DCHS2: variants seen among roughly 807,000 people sequenced by gnomAD.
The protein encoded by DCHS2 is dachsous cadherin-related 2.
DCHS2 carries 142 observed loss-of-function variants against 182.4 expected under a neutral mutation model. The ratio of observed to expected loss-of-function variants is 0.78; its 90% CI spans 0.68 to 0.89. The LOEUF (loss-of-function observed/expected upper bound fraction) is 0.89, where lower values mean the gene tolerates loss of function less well. Among genes scored for constraint, DCHS2 ranks in the 40% least tolerant of loss-of-function variants. The probability of loss-of-function intolerance (pLI) is 0.00; values close to 1 mark genes in which losing one functional copy is unlikely to be tolerated. For missense variants in DCHS2, 4,319 were observed against 4,198.6 expected, an observed-to-expected ratio of 1.03 and a Z score of -0.79; for synonymous variants, 1,740 against 1,663.3, an observed-to-expected ratio of 1.05 and a Z score of -1.12.
chr4:154,378,317 C>T (rs1731006397), intron 1 of DCHS2, among the ~76,000 whole-genome samples: 1 of 151,972 alleles, frequency 6.6e-6, no homozygotes, highest in Non-Finnish European at 1.5e-5. Context: ...TTCTCAAGCT[C>T]ATAGGCTCAT....
intron 13 of DCHS2, among the ~76,000 whole-genome samples, chr4:154,295,138 G>A (rs748928225): frequency 3.3e-5 from 5 of 152,232 alleles, no homozygotes; most frequent in African/African-American, 9.6e-5. Flanking sequence ...TTAATCAAAT[G>A]ATGTCTTGTG....
Position 154,281,385 on chromosome 4 carries a change from C to A in DCHS2, c.6464-11372G>T, listed in dbSNP as rs539948123. On this transcript the variant is annotated intron_variant, in intron 13 of 19. Transcript: ENST00000357232. ...TATTAGTTGTGTTTCTATCCAGTAACAATAAGCAATCTGAAAAGAAAATTA... is the reference window on the plus strand; with the variant it reads ...TATTAGTTGTGTTTCTATCCAGTAAAAATAAGCAATCTGAAAAGAAAATTA... Among the ~76,000 whole-genome samples, 26 of 152,078 alleles carry A rather than the reference C, an allele frequency of 1.7e-4. No individual in the cohort carries two copies. In the South Asian group the frequency reaches 3.5e-3, roughly 21 times the overall value.
chr4:154,311,612 G>T (rs141272661), intron 10 of DCHS2, among the ~76,000 whole-genome samples: 9 of 152,234 alleles, frequency 5.9e-5, no homozygotes, highest in Non-Finnish European at 8.8e-5. Flanking sequence ...ATAGAATTAT[G>T]CCTGGTTGAT....
At position 154,333,436 on chromosome 4, in the gene DCHS2, G is replaced by A. The variant is rs771565937; in HGVS notation, c.2772C>T (p.Ser924=). The change falls in exon 5 of 20, where the codon TCC becomes TCT. Residue 924 remains serine (S), a synonymous_variant. Coordinates refer to ENST00000357232, the MANE Select transcript of DCHS2 (RefSeq NM_001358235.2). The stretch of plus-strand genomic sequence containing the variant: ...GAATAGTGCCCAGCCGCGGGTGAAT[G>A]GAGAACTTTCCGCCGAGATCACCAG... ...ISSGDLGGKF[S]IHPRLGTIRT... 4 of 1,614,070 alleles carry A rather than the reference G, an allele frequency of 2.5e-6. No homozygotes were observed. Among genetic ancestry groups the A allele is most frequent in the Non-Finnish European group, 2.5e-6 (3 of 1,180,022 alleles).
At chr4:154,250,601 T>TTCTA (rs541431021) in intron 16 of DCHS2, among the ~76,000 whole-genome samples, 98 of 152,300 alleles carry the variant, frequency 6.4e-4, no homozygotes, top group African/African-American at 2.2e-3. Context: ...AAAAGAACCA[T>TTCTA]TCTATCTCTT....
intron 12 of DCHS2, chr4:154,298,921 AAT>A (rs1735086690): frequency 2.0e-6 from 1 of 491,512 alleles, no homozygotes; most frequent in South Asian, 8.1e-5. Context: ...TAAACAGAAT[AAT>A]ATGATTCAAT....
intron 12 of DCHS2, among the ~76,000 whole-genome samples, chr4:154,302,983 A>ATT (rs1181161750): frequency 0.061 from 6,278 of 103,756 alleles, 388 homozygotes; most frequent in Middle Eastern, 0.086. Flanking sequence ...ACACACACAT[A>ATT]TTTTTTTTTT....
At chr4:154,302,468 GC>G (rs1561025731) in intron 12 of DCHS2, among the ~76,000 whole-genome samples, 1 of 152,136 alleles carries the variant, frequency 6.6e-6, no homozygotes. Context: ...TTTAGGCCTG[GC>G]TTTTGTTTTT....
Position 154,237,096 on chromosome 4 carries a change from A to T in DCHS2, c.7556T>A (p.Val2519Glu). ...AGGATTTCCACCATCACTGGCTTCC[A>T]CAAGAAATTGAGTTGTTGATATTGT... The part of the protein sequence containing the change: ...LDTISTTQFL[V>E]EASDGGNPDL... Residue 2519 changes from valine to glutamate, a missense_variant, in exon 20 of 20, where the codon GTG becomes GAG. By Grantham distance (121) the Val-to-Glu change is moderately radical. Transcript: ENST00000357232. 6.2e-7 allele frequency: 1 copy of T among 1,613,664 alleles called. No individual in the cohort carries two copies. The highest frequency in any genetic ancestry group is 1.1e-5 in the South Asian group (1 of 91,058).
intron 10 of DCHS2, among the ~76,000 whole-genome samples, chr4:154,305,986 A>C (rs530000594): frequency 1.3e-5 from 2 of 152,310 alleles, no homozygotes; most frequent in Admixed American, 1.3e-4. Flanking sequence ...ATCTAGGTGT[A>C]CACACAGTAC....
intron 4 of DCHS2, 60 bp downstream of exon 4, chr4:154,334,808 A>G: frequency 7.1e-7 from 1 of 1,411,556 alleles, no homozygotes; most frequent in Non-Finnish European, 9.9e-7. Flanking sequence ...TACCGCCTAC[A>G]AAAAAACAAG....
At chr4:154,436,424 A>T (rs1733780657) in intron 1 of DCHS2, among the ~76,000 whole-genome samples, 1 of 152,190 alleles carries the variant, frequency 6.6e-6, no homozygotes, top group South Asian at 2.1e-4. Context: ...GTTAGATTTG[A>T]CTGCATGAAA....
At chr4:154,475,605 A>T (rs1271025859) in intron 1 of DCHS2, among the ~76,000 whole-genome samples, 1 of 152,200 alleles carries the variant, frequency 6.6e-6, no homozygotes, top group Non-Finnish European at 1.5e-5. Flanking sequence ...TAAATCAAGA[A>T]AATTAACCCA....
At chr4:154,488,747 A>T (rs1346933226) in intron 1 of DCHS2, among the ~76,000 whole-genome samples, 2 of 152,104 alleles carry the variant, frequency 1.3e-5, no homozygotes, top group African/African-American at 2.4e-5. Context: ...CACTAAAAAA[A>T]TACAGAAATT....
At chr4:154,309,135 G>A (rs1735575628) in intron 10 of DCHS2, among the ~76,000 whole-genome samples, 1 of 152,060 alleles carries the variant, frequency 6.6e-6, no homozygotes, top group African/African-American at 2.4e-5. Flanking sequence ...TCTTTCTGCT[G>A]AGGCCTTTGT....
chr4:154,363,979 A>C (rs1023004196), intron 3 of DCHS2, among the ~76,000 whole-genome samples: 1 of 152,208 alleles, frequency 6.6e-6, no homozygotes, highest in Admixed American at 6.5e-5. Context: ...ACCAGTCCTC[A>C]TGAATTTCTC....
intron 1 of DCHS2, 57 bp downstream of exon 1, chr4:154,489,247 A>C: frequency 7.3e-7 from 1 of 1,377,212 alleles, no homozygotes; most frequent in Non-Finnish European, 9.7e-7. Context: ...GCCAACTCAC[A>C]ACCCTCTCCA....
At chr4:154,395,322 C>A (rs1312265505) in intron 1 of DCHS2, among the ~76,000 whole-genome samples, 1 of 152,194 alleles carries the variant, frequency 6.6e-6, no homozygotes, top group Non-Finnish European at 1.5e-5. Flanking sequence ...ACCTAGCATG[C>A]AGCTACAGGT....
chr4:154,445,145 T>C (rs1734227001), intron 1 of DCHS2, among the ~76,000 whole-genome samples: 1 of 152,146 alleles, frequency 6.6e-6, no homozygotes, highest in East Asian at 1.9e-4. Context: ...AGTTGTTACT[T>C]CTTCATTATC....
Sources: gnomAD v4.1 joint callset for allele counts (sites outside exome capture counted in the v4.1 genomes callset) on GRCh38, gnomAD v4.1.1 for gene constraint, MANE v1.5 for transcripts, NCBI Gene and HGNC (gene_info 2026-07-23, HGNC 2026-07-21) for gene names.